Variants in PTPRB observed in about 807,000 individuals in gnomAD.
The protein encoded by PTPRB is receptor-type tyrosine-protein phosphatase beta.
A neutral mutation model predicts 238.1 loss-of-function variants in PTPRB; 97 were observed. That is an observed-to-expected ratio of 0.41 (90% confidence interval 0.35 to 0.48). The LOEUF (loss-of-function observed/expected upper bound fraction) is 0.48. Ranked by LOEUF, PTPRB falls within the 20% of genes least tolerant of loss-of-function variation. The pLI is 0.30. For missense variants in PTPRB, 2,292 were observed against 2,681.9 expected (o/e 0.85, Z 3.21); for synonymous variants, 970 against 995.4 (o/e 0.97, Z 0.48).
At chr12:70,610,367 C>T (rs1884366147) in intron 3 of PTPRB, among the ~76,000 whole-genome samples, 1 of 151,966 alleles carries the variant, frequency 6.6e-6, no homozygotes, top group Non-Finnish European at 1.5e-5. Context: ...AGTGCTTGCT[C>T]CCTGTCACTT....
chr12:70,618,097 T>TTTTG (rs899640331), intron 3 of PTPRB, among the ~76,000 whole-genome samples: 3 of 152,150 alleles, frequency 2.0e-5, no homozygotes, highest in South Asian at 2.1e-4. Context: ...CTTGTTTGTT[T>TTTTG]TTTGTTTGTT....
intron 3 of PTPRB, among the ~76,000 whole-genome samples, chr12:70,611,570 G>T (rs11836395): frequency 0.094 from 14,336 of 152,240 alleles, 822 homozygotes; most frequent in African/African-American, 0.16. Flanking sequence ...AAAGTGCTGG[G>T]ATTACAGGCG....
chr12:70,580,618 G>A (rs1353721514), intron 10 of PTPRB, among the ~76,000 whole-genome samples: 2 of 151,896 alleles, frequency 1.3e-5, no homozygotes, highest in East Asian at 1.9e-4. Context: ...TCAGGAGTTC[G>A]AGAGCAGCCT....
rs1172658963 is a variant in PTPRB at position 70,516,536 on chromosome 12, C to T, written c.*4953G>A. 1 of 152,178 alleles carries T rather than the reference C, an allele frequency of 6.6e-6. No homozygotes were observed. The highest frequency in any genetic ancestry group is 1.5e-5 in the Non-Finnish European group (1 of 68,038). The allele number at this position is 152,178 out of a possible 1,614,324, so 9.4% of individuals were successfully genotyped here. On this transcript the variant is annotated 3_prime_UTR_variant, in exon 34 of 34. Coordinates refer to ENST00000334414, the MANE Select transcript of PTPRB (RefSeq NM_001109754.4). ...CAGATGGAATGCTGTCCAACTCTGC[C>T]ACAAACTCTTAAAGCCACAATTTCA...
chr12:70,590,789 C>T (rs1244241783), intron 7 of PTPRB, among the ~76,000 whole-genome samples: 3 of 151,902 alleles, frequency 2.0e-5, no homozygotes, highest in Non-Finnish European at 4.4e-5. Flanking sequence ...GTTGTATGTT[C>T]TGTAGACCTG....
intron 27 of PTPRB, 78 bp from the exon 28 acceptor site, chr12:70,538,309 C>T: frequency 8.3e-7 from 1 of 1,210,892 alleles, no homozygotes; most frequent in Non-Finnish European, 1.2e-6. Flanking sequence ...TGCCTTAGCT[C>T]TGATCCCCAC....
intron 29 of PTPRB, among the ~76,000 whole-genome samples, chr12:70,535,627 T>C (rs1874012550): frequency 6.6e-6 from 1 of 152,118 alleles, no homozygotes; most frequent in African/African-American, 2.4e-5. Flanking sequence ...TTTGTCTGGA[T>C]TATTATTTTA....
chr12:70,592,422 G>T lies in PTPRB; in HGVS notation c.1640C>A (p.Thr547Asn), dbSNP rs760546488. 1.9e-6 allele frequency: 3 copies of T among 1,613,762 alleles called. No homozygotes were observed. The highest frequency in any genetic ancestry group is 3.3e-5 in the Admixed American group (2 of 59,972). Residue 547 changes from threonine to asparagine, a missense_variant, in exon 7 of 34, where the codon ACC becomes AAC. Physicochemically the swap from Thr to Asn is moderately conservative, Grantham distance 65 (BLOSUM62 0). Coordinates refer to ENST00000334414, the MANE Select transcript of PTPRB (RefSeq NM_001109754.4). ...TGCTAATACTCTGGATTCCTTGATG[G>T]TCCCTTTGTGAGACAGGGTGATATT... ...SYNITLSHKG[T>N]IKESRVLAPW...
At chr12:70,522,678 G>A (rs779700466) in intron 33 of PTPRB, 8 of 150,798 alleles carry the variant, frequency 5.3e-5, no homozygotes, top group Non-Finnish European at 8.8e-5. Flanking sequence ...AGTGTTATGT[G>A]CTTATTCTAG....
Position 70,571,211 on chromosome 12 carries a change from C to G in PTPRB, c.3185G>C (p.Gly1062Ala). The change falls in exon 13 of 34, where the codon GGG becomes GCG. Residue 1062 changes from glycine (G) to alanine (A), a missense_variant. Transcript: ENST00000334414. ...DLHVTWSGAN[G>A]DVDQYEIQLL... ...CTGGATCTCATATTGGTCGACATCC[C>G]CATTAGCTCCTGACCAAGTCACATG... is the stretch of plus-strand genomic sequence containing the variant. 6.2e-7 allele frequency: 1 copy of G among 1,613,784 alleles called. No homozygotes were observed. Among genetic ancestry groups the G allele is most frequent in the Non-Finnish European group, 8.5e-7 (1 of 1,179,724 alleles).
chr12:70,541,917 T>G (rs983522693), intron 22 of PTPRB: 1 of 152,226 alleles, frequency 6.6e-6, no homozygotes, highest in Non-Finnish European at 1.5e-5. Flanking sequence ...GCTATGAACA[T>G]TCATGTACAA....
chr12:70,539,058 G>A, intron 26 of PTPRB, 44 bp from the exon 27 acceptor site: 1 of 1,435,674 alleles, frequency 7.0e-7, no homozygotes, highest in Non-Finnish European at 9.8e-7. Flanking sequence ...ATATGAAATA[G>A]AATAAAGCAA....
At chr12:70,549,870 G>T in intron 21 of PTPRB, among the ~76,000 whole-genome samples, 1 of 151,966 alleles carries the variant, frequency 6.6e-6, no homozygotes, top group East Asian at 1.9e-4. Context: ...TGTACACAGA[G>T]ATGATGAAGC....
chr12:70,550,397 G>A (rs950021749), intron 21 of PTPRB, among the ~76,000 whole-genome samples: 21 of 152,274 alleles, frequency 1.4e-4, no homozygotes, highest in Middle Eastern at 3.4e-3. Context: ...TGAGGCAGGC[G>A]GGAGAAAGCA....
At chr12:70,536,514 AGT>A (rs1874148754) in intron 28 of PTPRB, among the ~76,000 whole-genome samples, 1 of 152,090 alleles carries the variant, frequency 6.6e-6, no homozygotes, top group Non-Finnish European at 1.5e-5. Context: ...AATGTAGAAG[AGT>A]GTTAGTCATT....
At position 70,519,602 on chromosome 12, in the gene PTPRB, TGTAAAA is replaced by T. The variant is rs1871460090; in HGVS notation, c.*1881_*1886del. 1 of 152,270 alleles carries T rather than the reference TGTAAAA, an allele frequency of 6.6e-6. No individual in the cohort carries two copies. The highest frequency in any genetic ancestry group is 1.5e-5 in the Non-Finnish European group (1 of 68,060). 9.4% of individuals were successfully genotyped at this position (152,270 alleles called of 1,614,324 possible). ...TGTGCTTTGCATCAAGCAACATTAG[TGTAAAA>T]TTCTGCTTTTTCTCTTTTTTCTTTT... On this transcript the variant is annotated 3_prime_UTR_variant, in exon 34 of 34. Coordinates refer to ENST00000334414, the MANE Select transcript of PTPRB (RefSeq NM_001109754.4).
At chr12:70,602,694 G>A (rs926795325) in intron 4 of PTPRB, among the ~76,000 whole-genome samples, 18 of 152,250 alleles carry the variant, frequency 1.2e-4, no homozygotes, top group Admixed American at 6.5e-4. Context: ...ATGAAACAAG[G>A]TTGGCCATAA....
rs189093129 is a variant in PTPRB at position 70,572,139 on chromosome 12, T to C, written c.2843-52A>G. The C allele has an allele frequency of 2.4e-4, 361 of 1,478,174 alleles. 2 individuals carry two copies. The African/African-American group carries it at 4.5e-3, about 19-fold the overall frequency. 91.6% of individuals were successfully genotyped at this position (1,478,174 alleles called of 1,614,324 possible). A position where few individuals can be genotyped will look rare whatever the true frequency, so the allele number is the denominator to read the frequency against. ...ATATTTATGAATTCTGAGTGAGTAATTGATCACAGATGACAAGCTGGGACA... is the reference window on the plus strand; with the variant it reads ...ATATTTATGAATTCTGAGTGAGTAACTGATCACAGATGACAAGCTGGGACA... On this transcript the variant is annotated intron_variant, in intron 11 of 33. Coordinates refer to ENST00000334414, the MANE Select transcript of PTPRB (RefSeq NM_001109754.4).
Position 70,587,233 on chromosome 12 carries a change from A to G in PTPRB, c.2085T>C (p.His695=). The change falls in exon 9 of 34, where the codon CAT becomes CAC. Residue 695 remains histidine, a synonymous_variant. Transcript: ENST00000334414. ...PLAVLQLRVK[H]ANETSLSIMW... ...TGATACTCAGTGAGGTTTCATTGGCATGTTTGACACGAAGCTGGAGGACAG... is the reference window on the plus strand; with the variant it reads ...TGATACTCAGTGAGGTTTCATTGGCGTGTTTGACACGAAGCTGGAGGACAG... The G allele has an allele frequency of 2.5e-6, 4 of 1,613,896 alleles. No homozygotes were observed. Among genetic ancestry groups the G allele is most frequent in the Non-Finnish European group, 3.4e-6 (4 of 1,179,830 alleles).
Sources: allele counts gnomAD v4.1 joint callset (sites outside exome capture counted in the v4.1 genomes callset), GRCh38; gene constraint gnomAD v4.1.1; transcripts MANE v1.5; gene names NCBI Gene and HGNC (gene_info 2026-07-23, HGNC 2026-07-21).